KCNIP4: variants seen among roughly 807,000 people sequenced by gnomAD.
KCNIP4 encodes Kv channel-interacting protein 4.
Under a neutral mutation model 34.0 loss-of-function variants are expected in KCNIP4, and 12 were observed. That is an observed-to-expected ratio of 0.35 (90% CI 0.23 to 0.57). KCNIP4 has a LOEUF of 0.57. Among genes scored for constraint, KCNIP4 ranks in the 20% least tolerant of loss-of-function variants. The pLI is 0.83. For missense variants in KCNIP4, 238 were observed against 311.7 expected (o/e 0.76, Z 1.78); for synonymous variants, 124 against 102.2 (o/e 1.21, Z -1.29).
chr4:21,855,580 C>G (rs1724698120), intron 1 of KCNIP4: 1 of 152,206 alleles, frequency 6.6e-6, no homozygotes, highest in African/African-American at 2.4e-5. Context: ...TGAGCCCTAG[C>G]AGTTTCTTTT....
chr4:21,256,471 C>A (rs943142947), intron 1 of KCNIP4, among the ~76,000 whole-genome samples: 2 of 150,062 alleles, frequency 1.3e-5, no homozygotes, highest in African/African-American at 2.5e-5. Flanking sequence ...GCATGGTGCA[C>A]ACCTGTAGTT....
chr4:21,268,109 C>T (rs1761928851), intron 1 of KCNIP4, among the ~76,000 whole-genome samples: 2 of 152,138 alleles, frequency 1.3e-5, no homozygotes, highest in South Asian at 2.1e-4. Context: ...AATATAACAA[C>T]CCCACAGCTA....
chr4:21,218,709 T>G (rs1013334038), intron 1 of KCNIP4, among the ~76,000 whole-genome samples: 1 of 152,206 alleles, frequency 6.6e-6, no homozygotes, highest in Non-Finnish European at 1.5e-5. Context: ...TCAAGGCCCA[T>G]AGATTCATCT....
At chr4:21,794,616 G>A (rs111549988) in intron 1 of KCNIP4, among the ~76,000 whole-genome samples, 8,610 of 152,166 alleles carry the variant, frequency 0.057, 355 homozygotes, top group African/African-American at 0.11. Flanking sequence ...ACAGCCGGGC[G>A]CAGTGACTCA....
intron 1 of KCNIP4, among the ~76,000 whole-genome samples, chr4:21,221,990 G>T (rs978123072): frequency 6.6e-6 from 1 of 152,084 alleles, no homozygotes; most frequent in Non-Finnish European, 1.5e-5. Context: ...CCAGTATTTA[G>T]ACACATCTAT....
At chr4:21,255,529 C>T in intron 1 of KCNIP4, among the ~76,000 whole-genome samples, 1 of 152,006 alleles carries the variant, frequency 6.6e-6, no homozygotes, top group East Asian at 1.9e-4. Context: ...TAAACTCTCC[C>T]CTCCCTCAGC....
chr4:21,425,829 C>T (rs898982154), intron 1 of KCNIP4, among the ~76,000 whole-genome samples: 4 of 152,090 alleles, frequency 2.6e-5, no homozygotes, highest in Admixed American at 1.3e-4. Context: ...GCAGTCAGAT[C>T]GCTTAAGCCC....
intron 1 of KCNIP4, among the ~76,000 whole-genome samples, chr4:21,223,980 T>A (rs964411026): frequency 6.6e-6 from 1 of 152,076 alleles, no homozygotes; most frequent in Non-Finnish European, 1.5e-5. Flanking sequence ...AGCCGAGGAA[T>A]CTTCTCTAGT....
At chr4:21,227,648 A>G (rs1486024533) in intron 1 of KCNIP4, among the ~76,000 whole-genome samples, 1 of 151,718 alleles carries the variant, frequency 6.6e-6, no homozygotes. Context: ...TGGTCAGCCT[A>G]AAACTGCTCT....
At chr4:21,941,732 T>C (rs1174972413) in intron 1 of KCNIP4, among the ~76,000 whole-genome samples, 1 of 152,180 alleles carries the variant, frequency 6.6e-6, no homozygotes, top group Non-Finnish European at 1.5e-5. Flanking sequence ...GTATTTAAAC[T>C]GACAATCTAT....
chr4:20,882,447 T>A (rs1030827245), intron 2 of KCNIP4, among the ~76,000 whole-genome samples, 161 bp downstream of exon 2: 10 of 152,178 alleles, frequency 6.6e-5, no homozygotes, highest in African/African-American at 2.4e-4. Context: ...TGACTCCTAA[T>A]TGCCCAAATG....
intron 1 of KCNIP4, among the ~76,000 whole-genome samples, chr4:21,615,143 G>A (rs1303460989): frequency 1.3e-5 from 2 of 151,410 alleles, no homozygotes; most frequent in African/African-American, 4.9e-5. Context: ...AGTGAAAGTA[G>A]AAAAATCAGG....
At chr4:20,819,308 CCATT>C (rs1716815220) in intron 3 of KCNIP4, among the ~76,000 whole-genome samples, 1 of 152,140 alleles carries the variant, frequency 6.6e-6, no homozygotes, top group African/African-American at 2.4e-5. Flanking sequence ...TACTCATTTT[CCATT>C]CAAATTAATT....
chr4:21,764,565 C>T lies in KCNIP4; in HGVS notation c.61+184006G>A, dbSNP rs936678650. ...ATTATGTCTGGTCAGGATCAGAAAC[C>T]GGACTATATAAACCACTGCCAGCTA... is the stretch of plus-strand genomic sequence containing the variant. On this transcript the variant is annotated intron_variant, in intron 1 of 8. Coordinates refer to ENST00000382152, the MANE Select transcript of KCNIP4 (RefSeq NM_025221.6). Among the ~76,000 whole-genome samples, 5 of 152,034 alleles carry T rather than the reference C, an allele frequency of 3.3e-5. No individual in the cohort carries two copies. The East Asian group carries it at 7.7e-4, about 24-fold the overall frequency.
intron 1 of KCNIP4, among the ~76,000 whole-genome samples, chr4:21,816,947 A>C (rs1347025880): frequency 6.6e-6 from 1 of 152,192 alleles, no homozygotes; most frequent in Non-Finnish European, 1.5e-5. Context: ...TTTAGCTTTA[A>C]AAGCTGTTGT....
intron 1 of KCNIP4, among the ~76,000 whole-genome samples, chr4:21,747,759 C>G (rs768646441): frequency 6.6e-6 from 1 of 152,078 alleles, no homozygotes; most frequent in Non-Finnish European, 1.5e-5. Flanking sequence ...CTCACCAAAA[C>G]TCACACCCAC....
intron 1 of KCNIP4, among the ~76,000 whole-genome samples, chr4:21,294,552 G>T (rs915102494): frequency 6.6e-6 from 1 of 152,174 alleles, no homozygotes; most frequent in Non-Finnish European, 1.5e-5. Flanking sequence ...TCCTATAATT[G>T]TGGCTAATAA....
chr4:21,226,263 G>A (rs1758383182), intron 1 of KCNIP4, among the ~76,000 whole-genome samples: 1 of 113,114 alleles, frequency 8.8e-6, no homozygotes. Context: ...GGGAGGGAGG[G>A]AGGGAGGGCG....
At chr4:21,022,245 T>A (rs1740139290) in intron 1 of KCNIP4, among the ~76,000 whole-genome samples, 1 of 152,224 alleles carries the variant, frequency 6.6e-6, no homozygotes, top group South Asian at 2.1e-4. Context: ...GTTATGACAC[T>A]CCTGACCATA....
Sources: gnomAD v4.1 joint callset for allele counts (sites outside exome capture counted in the v4.1 genomes callset) on GRCh38, gnomAD v4.1.1 for gene constraint, MANE v1.5 for transcripts, NCBI Gene and HGNC (gene_info 2026-07-23, HGNC 2026-07-21) for gene names.